Variants in ZNF827 observed in about 807,000 individuals in gnomAD.
ZNF827 encodes zinc finger protein 827.
Under a neutral mutation model 102.4 loss-of-function variants are expected in ZNF827, and 13 were observed. The observed-to-expected ratio is 0.13, with a 90% confidence interval of 0.08 to 0.20. The LOEUF (loss-of-function observed/expected upper bound fraction) is 0.20. ZNF827 is among the 10% of genes least tolerant of loss of function. ZNF827 has a pLI of 1.00. For missense variants in ZNF827, 1,103 were observed against 1,344.4 expected, an observed-to-expected ratio of 0.82 and a Z score of 2.81; for synonymous variants, 523 against 536.2, an observed-to-expected ratio of 0.98 and a Z score of 0.34.
At chr4:145,863,007 G>A (rs889829764) in intron 5 of ZNF827, among the ~76,000 whole-genome samples, 1 of 152,096 alleles carries the variant, frequency 6.6e-6, no homozygotes, top group African/African-American at 2.4e-5. Context: ...TCTGAGAAGA[G>A]ACTTATGTCC....
chr4:145,906,633 C>T (rs1561066646), intron 1 of ZNF827, among the ~76,000 whole-genome samples: 1 of 152,162 alleles, frequency 6.6e-6, no homozygotes, highest in African/African-American at 2.4e-5. Context: ...GGTTCTAATC[C>T]TACCAAGCAG....
chr4:145,926,941 CTCTT>C (rs1753470966), intron 1 of ZNF827, among the ~76,000 whole-genome samples: 1 of 151,706 alleles, frequency 6.6e-6, no homozygotes, highest in Non-Finnish European at 1.5e-5. Flanking sequence ...TGAAATTTCT[CTCTT>C]TCTATAAATG....
rs777958792 is a variant in ZNF827 at position 145,765,617 on chromosome 4, G to T, written c.2982C>A (p.Asn994Lys). ...GCATGACAGAGATGACCAGCAGATT[G>T]TTCCCGCCCTTGTTTTTCTGGGAGC... ...SDGSQKNKGG[N>K]NLLVISVMPG... The change falls in exon 12 of 15, where the codon AAC becomes AAA. Residue 994 changes from asparagine (N) to lysine (K), a missense_variant. This residue lies in a region of ZNF827 where 242 missense variants were observed against 361.9 expected (regional missense o/e 0.67). Coordinates refer to ENST00000508784, the MANE Select transcript of ZNF827 (RefSeq NM_001306215.2). The surrounding 1 kb of genome is among the most constrained non-coding windows in gnomAD (Gnocchi z 4.7). The T allele has an allele frequency of 6.2e-7, 1 of 1,614,134 alleles. No homozygotes were observed. The highest frequency in any genetic ancestry group is 1.1e-5 in the South Asian group (1 of 91,070).
chr4:145,921,470 CAAAAA>C (rs35423633), intron 1 of ZNF827, among the ~76,000 whole-genome samples: 1 of 54,120 alleles, frequency 1.8e-5, no homozygotes, highest in Non-Finnish European at 3.3e-5. Flanking sequence ...GAGACTCAGG[CAAAAA>C]AAAAAAAAAA....
chr4:145,849,271 T>C, intron 6 of ZNF827, 51 bp downstream of exon 6: 1 of 1,584,938 alleles, frequency 6.3e-7, no homozygotes, highest in Non-Finnish European at 8.6e-7. Flanking sequence ...GTTAGAAGGG[T>C]TTTCCTTCAA....
At chr4:145,833,581 C>T (rs540945692) in intron 7 of ZNF827, among the ~76,000 whole-genome samples, 2 of 152,218 alleles carry the variant, frequency 1.3e-5, no homozygotes, top group South Asian at 4.2e-4. Flanking sequence ...TCTCCTTCAC[C>T]CTTAGCGGCA....
rs1751458675 is a variant in ZNF827, at chr4:145,902,088, T to C, written c.1093+78A>G. The C allele has an allele frequency of 6.7e-7, 1 of 1,500,542 alleles. No individual in the cohort carries two copies. The highest frequency in any genetic ancestry group is 2.3e-5 in the East Asian group (1 of 43,530). 93.0% of individuals were successfully genotyped at this position (1,500,542 alleles called of 1,614,324 possible). A position where few individuals can be genotyped will look rare whatever the true frequency, so the allele number is the denominator to read the frequency against. ...CCTCAGATCAGATGGGGAACCCAAC[T>C]GAAAAAAGCAATGAATAAGACATCG... On this transcript the variant is annotated intron_variant, in intron 2 of 14. Transcript: ENST00000508784. The surrounding 1 kb of genome is among the most constrained non-coding windows in gnomAD (Gnocchi z 4.3).
In ZNF827 at chr4:145,915,090, A is replaced by G. The variant is rs545402544; in HGVS notation, c.44-11875T>C. Among the ~76,000 whole-genome samples, 8 of 152,280 alleles carry G rather than the reference A, an allele frequency of 5.3e-5. No homozygotes were observed. The South Asian group carries it at 1.7e-3, about 32-fold the overall frequency. On this transcript the variant is annotated intron_variant, in intron 1 of 14. Transcript: ENST00000508784. ...CGTGTCTTCTTGCTGCATCATGACA[A>G]CAGAAGGCATCCTGTGCTGAGAGAG...
At position 145,765,247 on chromosome 4, in the gene ZNF827, T is replaced by C; in HGVS notation, c.3053-82A>G. The C allele has an allele frequency of 2.8e-6, 4 of 1,423,422 alleles. No homozygotes were observed. Among genetic ancestry groups the C allele is most frequent in the Non-Finnish European group, 3.8e-6 (4 of 1,065,788 alleles). The allele number at this position is 1,423,422 out of a possible 1,614,324, so 88.2% of individuals were successfully genotyped here. A position where few individuals can be genotyped will look rare whatever the true frequency, so the allele number is the denominator to read the frequency against. On this transcript the variant is annotated intron_variant, in intron 12 of 14. Transcript: ENST00000508784. The surrounding 1 kb of genome is among the most constrained non-coding windows in gnomAD (Gnocchi z 4.7). Reference sequence around the variant, plus strand: ...GGAGTGGAGCCAAGCTCCTCCCCACTTCCTCCCGCCTCCTCCGACGCCTGA... The same window carrying C: ...GGAGTGGAGCCAAGCTCCTCCCCACCTCCTCCCGCCTCCTCCGACGCCTGA...
At chr4:145,878,886 T>G (rs960061239) in intron 4 of ZNF827, among the ~76,000 whole-genome samples, 1 of 150,452 alleles carries the variant, frequency 6.6e-6, no homozygotes, top group African/African-American at 2.4e-5. Flanking sequence ...GGGGCAGTGC[T>G]GGGGAGGAAA....
At chr4:145,805,111 C>T (rs1284642886) in intron 8 of ZNF827, among the ~76,000 whole-genome samples, 1 of 142,378 alleles carries the variant, frequency 7.0e-6, no homozygotes, top group Non-Finnish European at 1.5e-5. Flanking sequence ...TAAATAATGC[C>T]GGAGCAATTC....
chr4:145,857,404 G>A (rs1202280353), intron 5 of ZNF827, among the ~76,000 whole-genome samples: 1 of 152,086 alleles, frequency 6.6e-6, no homozygotes, highest in East Asian at 1.9e-4. Context: ...AGATCAAAGC[G>A]CTTGTTGCTT....
intron 8 of ZNF827, among the ~76,000 whole-genome samples, chr4:145,787,677 A>C (rs1739087071): frequency 6.6e-6 from 1 of 152,062 alleles, no homozygotes; most frequent in Non-Finnish European, 1.5e-5. Context: ...GAAACCTGTC[A>C]AGCATGTCTC....
At chr4:145,834,973 C>T (rs567533112) in intron 7 of ZNF827, 4 of 152,336 alleles carry the variant, frequency 2.6e-5, no homozygotes, top group Non-Finnish European at 4.4e-5. Flanking sequence ...TGAACCGCAG[C>T]GGCCAGGCGT....
chr4:145,857,313 A>G (rs1747244315), intron 5 of ZNF827, among the ~76,000 whole-genome samples: 1 of 152,262 alleles, frequency 6.6e-6, no homozygotes, highest in Non-Finnish European at 1.5e-5. Context: ...AAAAATGCTG[A>G]GCTCAAACTC....
chr4:145,893,661 ATTAATC>A (rs1750771042), intron 2 of ZNF827, among the ~76,000 whole-genome samples: 1 of 152,232 alleles, frequency 6.6e-6, no homozygotes, highest in Non-Finnish European at 1.5e-5. Flanking sequence ...AAAACCACTA[ATTAATC>A]TTAACATTAC....
chr4:145,811,585 G>T (rs1477050769), intron 8 of ZNF827, among the ~76,000 whole-genome samples: 1 of 152,248 alleles, frequency 6.6e-6, no homozygotes, highest in Non-Finnish European at 1.5e-5. Context: ...CCTTGGAAGT[G>T]CCAGGAGATT....
chr4:145,885,645 A>G lies in ZNF827; in HGVS notation c.1747+33T>C, dbSNP rs904597128. ...GAGAGAGAGAGAGAGAGAGAGAGAG[A>G]GAGAGAGAGAGAATACAACCCTATT... On this transcript the variant is annotated intron_variant, in intron 4 of 14. Transcript: ENST00000508784. 5.3e-6 allele frequency: 8 copies of G among 1,505,216 alleles called. No individual in the cohort carries two copies. In the South Asian group the frequency reaches 1.1e-4, roughly 21 times the overall value. 93.2% of individuals were successfully genotyped at this position (1,505,216 alleles called of 1,614,324 possible).
In ZNF827 at chr4:145,892,341, T is replaced by G; in HGVS notation, c.1168A>C (p.Lys390Gln). 1 of 1,614,200 alleles carries G rather than the reference T, an allele frequency of 6.2e-7. No individual in the cohort carries two copies. The highest frequency in any genetic ancestry group is 8.5e-7 in the Non-Finnish European group (1 of 1,180,028). The change falls in exon 3 of 15, where the codon AAG (lysine) becomes CAG (glutamine). Residue 390 changes from lysine to glutamine, a missense_variant. Coordinates refer to ENST00000508784, the MANE Select transcript of ZNF827 (RefSeq NM_001306215.2). ...CCTGTGTGAATCACCATGTGCCGCT[T>G]CCAGTAACTCTTCCTTTTAATAACC... ...GLVIKRKSYWKRHMVIHTGLK... is the reference protein window; with the variant it reads ...GLVIKRKSYWQRHMVIHTGLK...
Sources: allele counts gnomAD v4.1 joint callset (sites outside exome capture counted in the v4.1 genomes callset), GRCh38; gene constraint gnomAD v4.1.1; regional missense constraint gnomAD v4.1.1; non-coding constraint Gnocchi (gnomAD v3.1); transcripts MANE v1.5; gene names NCBI Gene and HGNC (gene_info 2026-07-23, HGNC 2026-07-21).